Variants in RRP12 observed in about 807,000 individuals in gnomAD.
RRP12 encodes ribosomal RNA processing 12 homolog.
RRP12 carries 78 observed loss-of-function variants against 157.3 expected under a neutral mutation model. The ratio of observed to expected loss-of-function variants is 0.50; its 90% confidence interval spans 0.41 to 0.60. RRP12 has a LOEUF of 0.60. RRP12 is among the 20% of genes least tolerant of loss of function. RRP12 has a pLI of 0.00. For synonymous variants in RRP12, 726 were observed against 670.9 expected (o/e 1.08, Z -1.27); for missense variants, 1,521 against 1,679.9 (o/e 0.91, Z 1.65).
chr10:97,388,639 G>A lies in RRP12; in HGVS notation c.754-15C>T, dbSNP rs749242250. The A allele has an allele frequency of 1.2e-6, 2 of 1,612,888 alleles. No individual in the cohort carries two copies. Among genetic ancestry groups the A allele is most frequent in the Non-Finnish European group, 1.7e-6 (2 of 1,179,064 alleles). On this transcript the variant is annotated splice_polypyrimidine_tract_variant and intron_variant, in intron 6 of 33. Transcript: ENST00000370992. ...GCCTTCCGGATCTGAGGGGCAAGGAGAGCAGGAGACAAGGCCAGATCAGCG... is the reference window on the plus strand; with the variant it reads ...GCCTTCCGGATCTGAGGGGCAAGGAAAGCAGGAGACAAGGCCAGATCAGCG...
chr10:97,380,951 C>A, intron 12 of RRP12, 38 bp from the exon 13 acceptor site: 2 of 1,476,948 alleles, frequency 1.4e-6, no homozygotes, highest in Non-Finnish European at 1.9e-6. Flanking sequence ...CACGGTCACA[C>A]CACCCTGTGC....
At chr10:97,381,002 A>G in intron 12 of RRP12, 89 bp from the exon 13 acceptor site, 1 of 1,038,854 alleles carries the variant, frequency 9.6e-7, no homozygotes, top group East Asian at 2.5e-5. Flanking sequence ...CCTGAGCTAC[A>G]GACGCTAGCT....
In RRP12 at chr10:97,370,492, C is replaced by G. The variant is rs1284821402; in HGVS notation, c.2652G>C (p.Met884Ile). The part of the protein sequence containing the change: ...RKNAFALLVE[M>I]GHAFLRFGSN... ...AGCCAAACCTTAGGAAAGCATGGCC[C>G]ATCTCCACGAGCAGTGCAAAAGCGT... is the stretch of plus-strand genomic sequence containing the variant. Residue 884 changes from methionine to isoleucine, a missense_variant, in exon 23 of 34, where the codon ATG becomes ATC. Transcript: ENST00000370992. 2 of 1,610,692 alleles carry G rather than the reference C, an allele frequency of 1.2e-6. No individual in the cohort carries two copies. Among genetic ancestry groups the G allele is most frequent in the Non-Finnish European group, 8.5e-7 (1 of 1,178,520 alleles).
intron 14 of RRP12, 56 bp from the exon 15 acceptor site, chr10:97,379,470 T>C (rs943169466): frequency 1.2e-5 from 20 of 1,609,290 alleles, no homozygotes; most frequent in Non-Finnish European, 1.7e-5. Flanking sequence ...CTGAGGGCAG[T>C]GCATAGCATA....
intron 3 of RRP12, among the ~76,000 whole-genome samples, chr10:97,394,055 A>G (rs375336456): frequency 1.8e-3 from 278 of 152,322 alleles, no homozygotes; most frequent in African/African-American, 6.5e-3. Flanking sequence ...AAAACTATAT[A>G]TATGTGGCTG....
chr10:97,376,840 C>A (rs1844322035), intron 15 of RRP12, among the ~76,000 whole-genome samples: 2 of 151,940 alleles, frequency 1.3e-5, no homozygotes, highest in Middle Eastern at 3.4e-3. Flanking sequence ...GCAAAAGGAC[C>A]AGTACTTTAA....
At chr10:97,385,332 C>T in intron 9 of RRP12, 75 bp from the exon 10 acceptor site, 1 of 1,143,496 alleles carries the variant, frequency 8.7e-7, no homozygotes, top group Non-Finnish European at 1.3e-6. Flanking sequence ...CCTTCCCATC[C>T]TGGCACCAGC....
Position 97,366,571 on chromosome 10 carries a change from T to C in RRP12, c.3266A>G (p.Glu1089Gly). 1.2e-6 allele frequency: 2 copies of C among 1,614,100 alleles called. No homozygotes were observed. Among genetic ancestry groups the C allele is most frequent in the East Asian group, 4.5e-5 (2 of 44,872 alleles). Residue 1089 changes from glutamate (E) to glycine (G), a missense_variant, in exon 28 of 34, where the codon GAG (glutamate) becomes GGG (glycine). Transcript: ENST00000370992. ...DSEDEEDNEEEERSRGKEQRK... is the reference protein window; with the variant it reads ...DSEDEEDNEEGERSRGKEQRK... ...CTGCTCCTTGCCTCGGCTTCTTTCC[T>C]CCTCCTCATTGTCCTCCTCGTCCTC... is the stretch of plus-strand genomic sequence containing the variant.
Position 97,368,617 on chromosome 10 carries a change from C to A in RRP12, c.2955+808G>T, listed in dbSNP as rs1844055128. 4.6e-5 allele frequency among the ~76,000 whole-genome samples: 7 copies of A among 152,220 alleles called. 2 individuals carry two copies. In the South Asian group the frequency reaches 1.4e-3, roughly 32 times the overall value. On this transcript the variant is annotated intron_variant, in intron 25 of 33. Transcript: ENST00000370992. ...AAGTGATCTGCCTGCCTTGGCCTCC[C>A]AAAGTGGTGGGGTTACAGGTGTGAG...
At chr10:97,362,295 TC>T (rs749588274) in intron 30 of RRP12, among the ~76,000 whole-genome samples, 4 of 151,920 alleles carry the variant, frequency 2.6e-5, no homozygotes, top group Non-Finnish European at 4.4e-5. Context: ...TGGTCGGTTC[TC>T]CCCGGCCAGG....
Position 97,372,516 on chromosome 10 carries a change from T to C in RRP12, c.2249+220A>G, listed in dbSNP as rs542127540. On this transcript the variant is annotated intron_variant, in intron 19 of 33. Coordinates refer to ENST00000370992, the MANE Select transcript of RRP12 (RefSeq NM_015179.4). The stretch of plus-strand genomic sequence containing the variant: ...GAGTGACGGGGCTGGGATCAGAACC[T>C]GGGCAGTGTATCTCCTGGGTCCTTG... Among the ~76,000 whole-genome samples the C allele has an allele frequency of 7.1e-4, 108 of 152,342 alleles. 1 individual carries two copies. In the South Asian group the frequency reaches 0.019, roughly 27 times the overall value.
intron 30 of RRP12, among the ~76,000 whole-genome samples, chr10:97,362,063 C>A (rs1589409704): frequency 6.7e-6 from 1 of 149,256 alleles, no homozygotes; most frequent in African/African-American, 2.5e-5. Flanking sequence ...GCCGAGATTG[C>A]GCCACTACAC....
At position 97,360,571 on chromosome 10, in the gene RRP12, C is replaced by T; in HGVS notation, c.3615G>A (p.Glu1205=). 6.2e-7 allele frequency: 1 copy of T among 1,613,672 alleles called. No homozygotes were observed. The highest frequency in any genetic ancestry group is 8.5e-7 in the Non-Finnish European group (1 of 1,179,596). ...CTTGGTACTGAGGGGGTATCTCCAG[C>T]TCCTCCTCCTCAGCCTCTTTCTGGT... The part of the protein sequence containing the change: ...LKHQKEAEEE[E]LEIPPQYQAG... The change falls in exon 31 of 34, where the codon GAG becomes GAA. Residue 1205 remains glutamate, a synonymous_variant. Transcript: ENST00000370992.
chr10:97,380,700 A>G, intron 13 of RRP12, 99 bp downstream of exon 13: 4 of 841,172 alleles, frequency 4.8e-6, no homozygotes, highest in South Asian at 4.4e-5. Flanking sequence ...TGGGGTGCGG[A>G]GCAGGGTGCA....
intron 17 of RRP12, 94 bp from the exon 18 acceptor site, chr10:97,373,294 G>T: frequency 7.5e-7 from 1 of 1,330,074 alleles, no homozygotes; most frequent in South Asian, 1.4e-5. Flanking sequence ...TCTCTTGGGG[G>T]AGCTGGCAGG....
intron 8 of RRP12, among the ~76,000 whole-genome samples, chr10:97,387,633 T>C (rs1458107663): frequency 7.3e-6 from 1 of 136,378 alleles, no homozygotes; most frequent in African/African-American, 2.9e-5. Context: ...TCATGTGTCT[T>C]TAAAGCTGCT....
Position 97,395,618 on chromosome 10 carries a change from A to G in RRP12, c.453+600T>C, listed in dbSNP as rs184052263. On this transcript the variant is annotated intron_variant, in intron 3 of 33. Coordinates refer to ENST00000370992, the MANE Select transcript of RRP12 (RefSeq NM_015179.4). Reference sequence around the variant, plus strand: ...ATAATCCCAGCACTTTGGGAGGCTGAGGCAGGCAGATCACGAGGTCAGGAG... The same window carrying G: ...ATAATCCCAGCACTTTGGGAGGCTGGGGCAGGCAGATCACGAGGTCAGGAG... Among the ~76,000 whole-genome samples the G allele has an allele frequency of 5.3e-3, 809 of 152,078 alleles. 7 individuals are homozygous for G. Among genetic ancestry groups the G allele is most frequent in the Non-Finnish European group, 7.8e-3 (530 of 67,980 alleles).
Position 97,401,210 on chromosome 10 carries a change from G to A in RRP12, c.22C>T (p.Pro8Ser). ...TTCAACTTAGCTGAGACACCAGAAG[G>A]CAACTTTCCCGAGCGACCCATGTTG... MGRSGKL[P>S]SGVSAKLKRW... The change falls in exon 1 of 34, where the codon CCT becomes TCT. Residue 8 changes from proline (P) to serine (S), a missense_variant. Coordinates refer to ENST00000370992, the MANE Select transcript of RRP12 (RefSeq NM_015179.4). The A allele has an allele frequency of 6.2e-7, 1 of 1,614,174 alleles. No individual in the cohort carries two copies. Among genetic ancestry groups the A allele is most frequent in the Non-Finnish European group, 8.5e-7 (1 of 1,180,024 alleles).
At chr10:97,389,910 A>C (rs948002493) in intron 6 of RRP12, among the ~76,000 whole-genome samples, 1 of 152,008 alleles carries the variant, frequency 6.6e-6, no homozygotes, top group African/African-American at 2.4e-5. Context: ...TCGAGGTTTC[A>C]CTATGTTGGC....
Sources: allele counts gnomAD v4.1 joint callset (sites outside exome capture counted in the v4.1 genomes callset), GRCh38; gene constraint gnomAD v4.1.1; transcripts MANE v1.5; gene names NCBI Gene and HGNC (gene_info 2026-07-23, HGNC 2026-07-21).